The following NDUFAF2 variants were observed in gnomAD, a reference collection of about 807,000 sequenced individuals.
The protein encoded by NDUFAF2 is NADH:ubiquinone oxidoreductase complex assembly factor 2.
A neutral mutation model predicts 22.8 loss-of-function variants in NDUFAF2; 13 were observed. The observed-to-expected ratio is 0.57, with a 90% CI of 0.37 to 0.91. NDUFAF2 has a LOEUF of 0.91. Among genes scored for constraint, NDUFAF2 ranks in the 40% least tolerant of loss-of-function variants. The pLI is 0.01. For synonymous variants in NDUFAF2, 53 were observed against 64.2 expected (o/e 0.83, Z 0.84); for missense variants, 162 against 195.2 (o/e 0.83, Z 1.01).
chr5:61,023,724 G>T (rs1263010552), intron 1 of NDUFAF2, among the ~76,000 whole-genome samples: 3 of 152,066 alleles, frequency 2.0e-5, no homozygotes, highest in Non-Finnish European at 4.4e-5. Context: ...CTCATTGAAG[G>T]CTTCAAATTA....
chr5:61,000,811 T>C (rs1751286061), intron 1 of NDUFAF2, among the ~76,000 whole-genome samples: 1 of 152,160 alleles, frequency 6.6e-6, no homozygotes, highest in African/African-American at 2.4e-5. Context: ...TATTTTGCTT[T>C]AGGTTATCAA....
At chr5:61,043,491 C>T (rs1216519711) in intron 1 of NDUFAF2, among the ~76,000 whole-genome samples, 2 of 152,084 alleles carry the variant, frequency 1.3e-5, no homozygotes, top group African/African-American at 4.8e-5. Context: ...TTCCCAAACC[C>T]CTCACCCACA....
In NDUFAF2 at chr5:61,013,632, A is replaced by G. The variant is rs193119921; in HGVS notation, c.128-59493A>G. 1.2e-3 allele frequency among the ~76,000 whole-genome samples: 187 copies of G among 151,644 alleles called. 1 individual carries two copies. The highest frequency in any genetic ancestry group is 4.4e-3 in the African/African-American group (183 of 41,344). On this transcript the variant is annotated intron_variant, in intron 1 of 3. Coordinates refer to ENST00000296597, the MANE Select transcript of NDUFAF2 (RefSeq NM_174889.5). ...GCTTCTCTAGTCATGTATTCTCTGT[A>G]CTGTTGGTTGTGCATCACTGGAGAC... is the stretch of plus-strand genomic sequence containing the variant.
At chr5:60,959,478 C>T (rs1490197119) in intron 1 of NDUFAF2, among the ~76,000 whole-genome samples, 1 of 151,810 alleles carries the variant, frequency 6.6e-6, no homozygotes, top group African/African-American at 2.4e-5. Flanking sequence ...ATAGAAGTGG[C>T]AATTATATTT....
At chr5:61,000,679 CT>C (rs750259354) in intron 1 of NDUFAF2, among the ~76,000 whole-genome samples, 2 of 152,006 alleles carry the variant, frequency 1.3e-5, no homozygotes, top group Non-Finnish European at 2.9e-5. Flanking sequence ...TCCTACCTGC[CT>C]TTTGCCCTGT....
chr5:61,031,345 CCTAT>C (rs1751724329), intron 1 of NDUFAF2, among the ~76,000 whole-genome samples: 3 of 152,004 alleles, frequency 2.0e-5, no homozygotes, highest in African/African-American at 7.3e-5. Flanking sequence ...GTGATGTTCC[CCTAT>C]CTGTGTCCAT....
At chr5:61,007,768 GA>G (rs1193218635) in intron 1 of NDUFAF2, among the ~76,000 whole-genome samples, 1 of 152,150 alleles carries the variant, frequency 6.6e-6, no homozygotes, top group Admixed American at 6.5e-5. Context: ...TCTAGAACTA[GA>G]AATACCATTT....
chr5:61,133,704 C>T (rs1284196887), intron 3 of NDUFAF2, among the ~76,000 whole-genome samples: 1 of 152,162 alleles, frequency 6.6e-6, no homozygotes, highest in Non-Finnish European at 1.5e-5. Flanking sequence ...ACAGTGATTG[C>T]CCTCTCAGAT....
chr5:61,072,976 T>C, intron 1 of NDUFAF2, 149 bp from the exon 2 acceptor site: 2 of 595,378 alleles, frequency 3.4e-6, no homozygotes, highest in Non-Finnish European at 3.0e-6. Flanking sequence ...TTTTGTAATA[T>C]ACCTAATTCA....
At chr5:61,131,423 T>G (rs868756564) in intron 3 of NDUFAF2, among the ~76,000 whole-genome samples, 2 of 152,110 alleles carry the variant, frequency 1.3e-5, no homozygotes, top group Non-Finnish European at 1.5e-5. Context: ...TTGCCCAAAA[T>G]GGATGTTAAC....
chr5:61,084,963 A>AT (rs1752489074), intron 2 of NDUFAF2, among the ~76,000 whole-genome samples: 1 of 152,070 alleles, frequency 6.6e-6, no homozygotes. Flanking sequence ...TAAAATGCAC[A>AT]TTTTTTTCCA....
chr5:61,123,602 C>T (rs147233691), intron 3 of NDUFAF2, among the ~76,000 whole-genome samples: 1 of 152,236 alleles, frequency 6.6e-6, no homozygotes, highest in African/African-American at 2.4e-5. Context: ...CCGTAGTGCA[C>T]GTTGATCCTA....
chr5:61,002,291 C>G (rs984821990), intron 1 of NDUFAF2, among the ~76,000 whole-genome samples: 6 of 152,128 alleles, frequency 3.9e-5, no homozygotes, highest in African/African-American at 1.4e-4. Context: ...TAATGTATCA[C>G]TTACTTCTCT....
Position 61,043,679 on chromosome 5 carries a change from A to ATGTG in NDUFAF2, c.128-29426_128-29423dup, listed in dbSNP as rs373302097. 8.0e-4 allele frequency among the ~76,000 whole-genome samples: 120 copies of ATGTG among 149,310 alleles called. 4 individuals carry two copies. The East Asian group carries it at 0.014, about 18-fold the overall frequency. On this transcript the variant is annotated intron_variant, in intron 1 of 3. Transcript: ENST00000296597. ...TGCCATCTTTTTGAAAGCTGTATAT[A>ATGTG]TGTGTGTGTGTGTGTGTGTGTGTAT...
intron 2 of NDUFAF2, among the ~76,000 whole-genome samples, chr5:61,075,304 T>C (rs900822574): frequency 2.6e-5 from 4 of 152,078 alleles, no homozygotes; most frequent in African/African-American, 9.7e-5. Flanking sequence ...AGTAAAAATA[T>C]TTTTCCATTT....
chr5:61,077,277 A>G (rs2111737563), intron 2 of NDUFAF2, among the ~76,000 whole-genome samples: 1 of 152,336 alleles, frequency 6.6e-6, no homozygotes, highest in East Asian at 1.9e-4. Flanking sequence ...GGCTGCTCCA[A>G]AGTTTAGTTA....
intron 3 of NDUFAF2, among the ~76,000 whole-genome samples, chr5:61,109,453 T>C (rs1752807847): frequency 1.3e-5 from 2 of 152,212 alleles, no homozygotes; most frequent in Admixed American, 1.3e-4. Flanking sequence ...CTTTCTATTG[T>C]CTGATTGCTC....
intron 1 of NDUFAF2, among the ~76,000 whole-genome samples, chr5:61,048,512 C>T (rs1751983384): frequency 6.6e-6 from 1 of 151,982 alleles, no homozygotes; most frequent in African/African-American, 2.4e-5. Flanking sequence ...AATTAAGATT[C>T]TTGTTGAATA....
chr5:61,021,997 T>C (rs1751589582), intron 1 of NDUFAF2, among the ~76,000 whole-genome samples: 1 of 152,168 alleles, frequency 6.6e-6, no homozygotes, highest in Non-Finnish European at 1.5e-5. Flanking sequence ...TCAGGAGAGG[T>C]TGTCCTGTCT....
Sources: gnomAD v4.1 joint callset for allele counts (sites outside exome capture counted in the v4.1 genomes callset) on GRCh38, gnomAD v4.1.1 for gene constraint, MANE v1.5 for transcripts, NCBI Gene and HGNC (gene_info 2026-07-23, HGNC 2026-07-21) for gene names.